The following PDE4D variants were observed in gnomAD, a reference collection of about 807,000 sequenced individuals.
PDE4D encodes the protein 3',5'-cyclic-AMP phosphodiesterase 4D.
PDE4D carries 24 observed loss-of-function variants against 87.4 expected under a neutral mutation model. The ratio of observed to expected loss-of-function variants is 0.27; its 90% CI spans 0.20 to 0.39. The LOEUF (loss-of-function observed/expected upper bound fraction) is 0.39, where lower values mean the gene tolerates loss of function less well. Ranked by LOEUF, PDE4D falls within the 10% of genes least tolerant of loss-of-function variation. The pLI is 1.00. For synonymous variants in PDE4D, 384 were observed against 383.2 expected, an observed-to-expected ratio of 1.00 and a Z score of -0.02; for missense variants, 714 against 1,041.0, an observed-to-expected ratio of 0.69 and a Z score of 4.32.
intron 1 of PDE4D, among the ~76,000 whole-genome samples, chr5:60,389,227 T>C (rs1290864565): frequency 6.6e-6 from 1 of 152,128 alleles, no homozygotes. Context: ...TATAACACAG[T>C]AGTGAGAAGA....
chr5:60,392,419 T>C (rs1762614257), intron 1 of PDE4D, among the ~76,000 whole-genome samples: 2 of 152,172 alleles, frequency 1.3e-5, no homozygotes, highest in Admixed American at 1.3e-4. Flanking sequence ...AAAAACGACA[T>C]TGAGAAACAG....
At position 60,340,080 on chromosome 5, in the gene PDE4D, G is replaced by A. The variant is rs567066257; in HGVS notation, c.-90+147862C>T. 8.5e-5 allele frequency among the ~76,000 whole-genome samples: 13 copies of A among 152,312 alleles called. 1 individual carries two copies. The South Asian group carries it at 2.5e-3, about 29-fold the overall frequency. On this transcript the variant is annotated intron_variant, in intron 1 of 16. Coordinates refer to the PDE4D transcript ENST00000502484. ...GTCAATGTGCATGTGGCTTTGGAGC[G>A]CCTAAAAACTGGCACAAAGCATCAG...
intron 5 of PDE4D, among the ~76,000 whole-genome samples, chr5:59,172,147 T>C (rs1296553763): frequency 5.1e-4 from 50 of 98,550 alleles, no homozygotes; most frequent in Middle Eastern, 9.3e-3. Context: ...AAATATATAA[T>C]ATTATATATA....
chr5:59,313,523 G>A (rs1371873292), intron 1 of PDE4D, among the ~76,000 whole-genome samples: 1 of 151,364 alleles, frequency 6.6e-6, no homozygotes, highest in African/African-American at 2.5e-5. Context: ...ACAAGACCCA[G>A]CAAAGAAATC....
intron 2 of PDE4D, among the ~76,000 whole-genome samples, chr5:59,214,748 G>T (rs765682828): frequency 6.6e-6 from 1 of 152,132 alleles, no homozygotes; most frequent in African/African-American, 2.4e-5. Flanking sequence ...AAGGGTAGAC[G>T]TCAATAATAC....
At chr5:59,805,168 C>G (rs896448055) in intron 1 of PDE4D, among the ~76,000 whole-genome samples, 3 of 152,166 alleles carry the variant, frequency 2.0e-5, no homozygotes, top group Non-Finnish European at 4.4e-5. Flanking sequence ...TGTGTGTATT[C>G]CACTGGTTTG....
chr5:59,718,646 T>C (rs1755373054), intron 1 of PDE4D, among the ~76,000 whole-genome samples: 1 of 152,148 alleles, frequency 6.6e-6, no homozygotes, highest in African/African-American at 2.4e-5. Flanking sequence ...AAGAGTAACA[T>C]CCATACTGTA....
At chr5:60,051,336 A>C (rs1770125941) in intron 2 of PDE4D, among the ~76,000 whole-genome samples, 1 of 152,222 alleles carries the variant, frequency 6.6e-6, no homozygotes, top group African/African-American at 2.4e-5. Context: ...ATCATAACAA[A>C]CAGTCTCTCA....
chr5:59,202,253 G>T (rs1410966161), intron 2 of PDE4D, among the ~76,000 whole-genome samples: 1 of 152,024 alleles, frequency 6.6e-6, no homozygotes, highest in Admixed American at 6.6e-5. Flanking sequence ...TGTTAGCCAG[G>T]ATGGTCTCGA....
chr5:60,031,627 T>C (rs1009232891), intron 2 of PDE4D, among the ~76,000 whole-genome samples: 10 of 152,222 alleles, frequency 6.6e-5, no homozygotes, highest in Non-Finnish European at 1.2e-4. Flanking sequence ...TAAATTTCAA[T>C]CTATCTTTTT....
intron 1 of PDE4D, among the ~76,000 whole-genome samples, chr5:59,633,803 G>A (rs1047737992): frequency 4.6e-5 from 7 of 152,074 alleles, no homozygotes; most frequent in Non-Finnish European, 7.4e-5. Flanking sequence ...TGTAAAGACC[G>A]CTGACACTAT....
At chr5:60,050,004 T>C (rs1769893286) in intron 2 of PDE4D, among the ~76,000 whole-genome samples, 2 of 152,224 alleles carry the variant, frequency 1.3e-5, no homozygotes, top group Non-Finnish European at 2.9e-5. Flanking sequence ...ACTGCTGTGC[T>C]AGCAATCAGC....
At chr5:60,485,860 C>A (rs964216031) in intron 1 of PDE4D, among the ~76,000 whole-genome samples, 42 of 152,150 alleles carry the variant, frequency 2.8e-4, no homozygotes, top group African/African-American at 9.9e-4. Flanking sequence ...TGATGGAAGT[C>A]CCAGAGGAAA....
At chr5:59,057,948 GTTT>G (rs1046655793) in intron 5 of PDE4D, among the ~76,000 whole-genome samples, 59 of 152,274 alleles carry the variant, frequency 3.9e-4, no homozygotes, top group African/African-American at 1.4e-3. Flanking sequence ...CAAATATTAT[GTTT>G]GATGCATGAG....
chr5:59,775,664 C>T (rs1243343544), intron 1 of PDE4D, among the ~76,000 whole-genome samples: 1 of 152,124 alleles, frequency 6.6e-6, no homozygotes, highest in African/African-American at 2.4e-5. Flanking sequence ...CCTTCAGAAT[C>T]CTTGTGCATA....
chr5:60,032,260 G>C (rs571255903), intron 2 of PDE4D, among the ~76,000 whole-genome samples: 1 of 152,088 alleles, frequency 6.6e-6, no homozygotes, highest in African/African-American at 2.4e-5. Context: ...TATAAATCTC[G>C]TCCCCTTTAG....
At chr5:59,886,390 G>C (rs1010424926) in intron 1 of PDE4D, among the ~76,000 whole-genome samples, 1 of 151,930 alleles carries the variant, frequency 6.6e-6, no homozygotes, top group East Asian at 1.9e-4. Flanking sequence ...GGTGGCAGGC[G>C]CCTGTAGTCC....
intron 1 of PDE4D, among the ~76,000 whole-genome samples, chr5:59,884,683 C>A (rs1181870517): frequency 6.6e-6 from 1 of 151,916 alleles, no homozygotes; most frequent in Admixed American, 6.6e-5. Flanking sequence ...CAAAAGTATG[C>A]ACATTAAAAT....
chr5:60,097,042 G>A (rs980670189), intron 2 of PDE4D, among the ~76,000 whole-genome samples: 5 of 151,940 alleles, frequency 3.3e-5, no homozygotes, highest in Non-Finnish European at 5.9e-5. Context: ...TTAGAAGTGT[G>A]AATTCTTGTT....
Sources: gnomAD v4.1 joint callset for allele counts (sites outside exome capture counted in the v4.1 genomes callset) on GRCh38, gnomAD v4.1.1 for gene constraint, MANE v1.5 for transcripts, NCBI Gene and HGNC (gene_info 2026-07-23, HGNC 2026-07-21) for gene names.